The following ZZZ3 variants were observed in gnomAD, a reference collection of about 807,000 sequenced individuals.
ZZZ3 encodes zinc finger ZZ-type containing 3, also known as ZZ-type zinc finger-containing protein 3.
In ZZZ3, 22 loss-of-function variants were observed where a neutral mutation model predicts 95.2. That is an observed-to-expected ratio of 0.23 (90% confidence interval 0.17 to 0.33). The LOEUF is 0.33. ZZZ3 is among the 10% of genes least tolerant of loss of function. The pLI, the probability that ZZZ3 is intolerant of heterozygous loss-of-function variation, is 1.00. For missense variants in ZZZ3, 885 were observed against 1,066.5 expected, an observed-to-expected ratio of 0.83 and a Z score of 2.37; for synonymous variants, 335 against 358.9, an observed-to-expected ratio of 0.93 and a Z score of 0.75.
chr1:77,643,531 C>A (rs1442326501), intron 1 of ZZZ3, among the ~76,000 whole-genome samples: 2 of 152,170 alleles, frequency 1.3e-5, no homozygotes, highest in Non-Finnish European at 2.9e-5. Flanking sequence ...CTTATTTATT[C>A]CCTTGGAACA....
At chr1:77,626,595 T>C (rs571370584) in intron 5 of ZZZ3, among the ~76,000 whole-genome samples, 1 of 152,290 alleles carries the variant, frequency 6.6e-6, no homozygotes, top group South Asian at 2.1e-4. Context: ...GTTCACCTCC[T>C]GGTGTGCAGC....
At chr1:77,636,264 G>C (rs1668287008) in intron 4 of ZZZ3, among the ~76,000 whole-genome samples, 1 of 152,074 alleles carries the variant, frequency 6.6e-6, no homozygotes. Flanking sequence ...CCAATAATAA[G>C]ACTTCCTTAA....
chr1:77,681,442 G>T (rs1672743811), intron 1 of ZZZ3, among the ~76,000 whole-genome samples: 1 of 152,008 alleles, frequency 6.6e-6, no homozygotes, highest in Admixed American at 6.6e-5. Flanking sequence ...TACTACTTAA[G>T]AATACGAAAA....
Position 77,576,185 on chromosome 1 carries a change from C to T in ZZZ3, c.2214G>A (p.Lys738=), listed in dbSNP as rs1487002260. Residue 738 remains lysine (K), a synonymous_variant, in exon 12 of 15, where the codon AAG becomes AAA. Transcript: ENST00000370801. The stretch of plus-strand genomic sequence containing the variant: ...TGAAAGTGGAAGGCTTAAAGAGATG[C>T]TTATTAAGAGGGTGCTGTCGTCTGC... ...STSRRQHPLN[K]HLFKPSTFMT... is the part of the protein sequence containing the mutation. The T allele has an allele frequency of 1.2e-6, 2 of 1,611,102 alleles. No individual in the cohort carries two copies. Among genetic ancestry groups the T allele is most frequent in the Admixed American group, 3.4e-5 (2 of 59,136 alleles).
rs1318952907 is a variant in ZZZ3 at position 77,633,020 on chromosome 1, A to G, written c.335T>C (p.Val112Ala). 6 of 1,613,964 alleles carry G rather than the reference A, an allele frequency of 3.7e-6. No individual in the cohort carries two copies. The highest frequency in any genetic ancestry group is 5.1e-6 in the Non-Finnish European group (6 of 1,180,014). The change falls in exon 5 of 15, where the codon GTT becomes GCT. Residue 112 changes from valine (V) to alanine (A), a missense_variant. Transcript: ENST00000370801. ...ENCERRQTEP[V>A]SPVLKRIKRC... ...CTTAATTCTTTTTAAAACTGGTGAA[A>G]CAGGTTCTGTTTGCCTTCTCTCACA...
chr1:77,648,001 T>C (rs996426923), intron 1 of ZZZ3, among the ~76,000 whole-genome samples: 3 of 152,062 alleles, frequency 2.0e-5, no homozygotes, highest in Non-Finnish European at 4.4e-5. Flanking sequence ...AGAATATTTA[T>C]GGGAATTAAA....
At chr1:77,567,107 T>C (rs1660901268) in intron 13 of ZZZ3, among the ~76,000 whole-genome samples, 1 of 152,192 alleles carries the variant, frequency 6.6e-6, no homozygotes, top group Non-Finnish European at 1.5e-5. Flanking sequence ...TTGTTTTTAA[T>C]TTGGTTTACC....
chr1:77,655,162 T>C (rs1670158155), intron 1 of ZZZ3, among the ~76,000 whole-genome samples: 1 of 152,136 alleles, frequency 6.6e-6, no homozygotes, highest in Admixed American at 6.6e-5. Context: ...AACCCATTAA[T>C]CCATTAACCA....
At chr1:77,586,133 G>T (rs114282970) in intron 5 of ZZZ3, among the ~76,000 whole-genome samples, 151 of 152,284 alleles carry the variant, frequency 9.9e-4, no homozygotes, top group African/African-American at 3.4e-3. Context: ...TACAAATACT[G>T]TCTCAGCTGG....
intron 5 of ZZZ3, among the ~76,000 whole-genome samples, chr1:77,594,981 G>C (rs1230243949): frequency 6.8e-6 from 1 of 146,776 alleles, no homozygotes; most frequent in Non-Finnish European, 1.5e-5. Context: ...AGCTTACTAT[G>C]AGGCAAAGTA....
chr1:77,673,490 G>A (rs377575201), intron 1 of ZZZ3, among the ~76,000 whole-genome samples: 3 of 152,192 alleles, frequency 2.0e-5, no homozygotes, highest in East Asian at 1.9e-4. Context: ...CCAGCTACTC[G>A]GGAGTCTGAG....
At chr1:77,588,425 C>T (rs1383649333) in intron 5 of ZZZ3, among the ~76,000 whole-genome samples, 1 of 151,826 alleles carries the variant, frequency 6.6e-6, no homozygotes, top group Non-Finnish European at 1.5e-5. Flanking sequence ...AATACCACTT[C>T]CATTTTTACT....
In ZZZ3 at chr1:77,579,515, C is replaced by G. The variant is rs1662292515; in HGVS notation, c.2082+12G>C. 6.3e-7 allele frequency: 1 copy of G among 1,583,534 alleles called. No homozygotes were observed. Among genetic ancestry groups the G allele is most frequent in the Non-Finnish European group, 8.6e-7 (1 of 1,159,672 alleles). On this transcript the variant is annotated intron_variant, in intron 10 of 14. Coordinates refer to ENST00000370801, the MANE Select transcript of ZZZ3 (RefSeq NM_015534.6). ...AAGCATACCAGCAATCTGCAGTCAT[C>G]TCCTCAATTACCTGTTTTGCTGTCC...
Position 77,562,505 on chromosome 1 carries a change from T to C in ZZZ3, c.*3135A>G, listed in dbSNP as rs1660498947. ...CAAAACAATATTTATCTTTATTACA[T>C]GTGATGTACCATTTTCTCTATTCCA... On this transcript the variant is annotated 3_prime_UTR_variant, in exon 15 of 15. Transcript: ENST00000370801. 1 of 152,248 alleles carries C rather than the reference T, an allele frequency of 6.6e-6. No homozygotes were observed. The allele number at this position is 152,248 out of a possible 1,614,324, so 9.4% of individuals were successfully genotyped here.
chr1:77,659,623 C>CA (rs1169444601), intron 1 of ZZZ3, among the ~76,000 whole-genome samples: 3 of 146,888 alleles, frequency 2.0e-5, no homozygotes, highest in African/African-American at 7.6e-5. Flanking sequence ...GTGGAGGTTG[C>CA]AGTGAGCCGA....
chr1:77,629,011 T>G (rs1321907933), intron 5 of ZZZ3, among the ~76,000 whole-genome samples: 2 of 152,160 alleles, frequency 1.3e-5, no homozygotes, highest in Non-Finnish European at 2.9e-5. Context: ...AAAACCCAAG[T>G]GCTTTTTAAC....
At chr1:77,642,997 A>C (rs1668923053) in intron 1 of ZZZ3, among the ~76,000 whole-genome samples, 1 of 152,118 alleles carries the variant, frequency 6.6e-6, no homozygotes, top group African/African-American at 2.4e-5. Flanking sequence ...GGATCGCTTG[A>C]GCCTAGGAGT....
chr1:77,597,066 C>T (rs928508647), intron 5 of ZZZ3, among the ~76,000 whole-genome samples: 1 of 151,950 alleles, frequency 6.6e-6, no homozygotes, highest in African/African-American at 2.4e-5. Context: ...ATGGCCGATT[C>T]TAGAACTAAG....
At chr1:77,591,567 C>A (rs1663700964) in intron 5 of ZZZ3, among the ~76,000 whole-genome samples, 1 of 152,166 alleles carries the variant, frequency 6.6e-6, no homozygotes, top group Admixed American at 6.5e-5. Flanking sequence ...TGGTCTTGAA[C>A]TCCTGGCCTC....
Sources: gnomAD v4.1 joint callset for allele counts (sites outside exome capture counted in the v4.1 genomes callset) on GRCh38, gnomAD v4.1.1 for gene constraint, MANE v1.5 for transcripts, NCBI Gene and HGNC (gene_info 2026-07-23, HGNC 2026-07-21) for gene names.